PLA2R1: variants seen among roughly 807,000 people sequenced by gnomAD.
PLA2R1 encodes phospholipase A2 receptor 1.
Under a neutral mutation model 195.9 loss-of-function variants are expected in PLA2R1, and 158 were observed. That is an observed-to-expected ratio of 0.81 (90% CI 0.71 to 0.92). The LOEUF (loss-of-function observed/expected upper bound fraction) is 0.92. PLA2R1 is among the 40% of genes least tolerant of loss of function. The pLI is 0.00. For synonymous variants in PLA2R1, 586 were observed against 598.2 expected, an observed-to-expected ratio of 0.98 and a Z score of 0.30; for missense variants, 1,626 against 1,764.6, an observed-to-expected ratio of 0.92 and a Z score of 1.41.
rs758220064 is a variant in PLA2R1, at chr2:160,022,827, A to G, written c.1132T>C (p.Cys378Arg). ...TTGTAGGGATTCCAGCCAGGCTCACAGTGGGTAGCATAATATTTCCACGCA... is the reference window on the plus strand; with the variant it reads ...TTGTAGGGATTCCAGCCAGGCTCACGGTGGGTAGCATAATATTTCCACGCA... The part of the protein sequence containing the change: ...KDAWKYYATH[C>R]EPGWNPYNRN... Residue 378 changes from cysteine (C) to arginine (R), a missense_variant, in exon 7 of 30, where the codon TGT becomes CGT. By Grantham distance (180) the Cys-to-Arg change is radical. Coordinates refer to ENST00000283243, the MANE Select transcript of PLA2R1 (RefSeq NM_007366.5). 13 of 1,611,426 alleles carry G rather than the reference A, an allele frequency of 8.1e-6. No individual in the cohort carries two copies. The highest frequency in any genetic ancestry group is 1.1e-5 in the Non-Finnish European group (13 of 1,178,984).
intron 2 of PLA2R1, among the ~76,000 whole-genome samples, chr2:160,043,130 G>A (rs1694651524): frequency 1.3e-5 from 2 of 152,128 alleles, no homozygotes; most frequent in African/African-American, 4.8e-5. Context: ...AGTGCACATA[G>A]AGCTGTCTCC....
intron 1 of PLA2R1, among the ~76,000 whole-genome samples, chr2:160,049,169 C>CT (rs36104901): frequency 7.0e-4 from 104 of 149,606 alleles, no homozygotes; most frequent in Middle Eastern, 3.4e-3. Context: ...AATTTCTATC[C>CT]TTTTTTTTTT....
chr2:159,929,870 G>GTATATATA (rs141890108), downstream of PLA2R1, among the ~76,000 whole-genome samples: 3 of 143,120 alleles, frequency 2.1e-5, no homozygotes, highest in African/African-American at 7.7e-5. Context: ...GTGTGTGTGT[G>GTATATATA]TGTATATATA....
rs1346353457 is a variant in PLA2R1 at position 159,987,366 on chromosome 2, C to T, written c.1835-8G>A. On this transcript the variant is annotated splice_polypyrimidine_tract_variant and splice_region_variant and intron_variant, in intron 11 of 29. Transcript: ENST00000283243. The stretch of plus-strand genomic sequence containing the variant: ...CACAGCCACCACTGTAGCCTAAAAG[C>T]AGAAAACAAGCATTTTTAATACCAG... 6.2e-7 allele frequency: 1 copy of T among 1,603,096 alleles called. No individual in the cohort carries two copies. The highest frequency in any genetic ancestry group is 1.3e-5 in the African/African-American group (1 of 74,726).
chr2:159,984,213 T>G, intron 12 of PLA2R1, 140 bp from the exon 13 acceptor site: 1 of 479,944 alleles, frequency 2.1e-6, no homozygotes, highest in East Asian at 3.0e-5. Context: ...GGAAGTAATA[T>G]TTACTGAATT....
At position 159,940,803 on chromosome 2, in the gene PLA2R1, T is replaced by A. The variant is rs189539619; in HGVS notation, c.*975A>T. The stretch of plus-strand genomic sequence containing the variant: ...TAAACTCATTTACATAATAAAGATA[T>A]CTAGATTACTAATTTATTTAGTACT... On this transcript the variant is annotated 3_prime_UTR_variant, in exon 30 of 30. Coordinates refer to ENST00000283243, the MANE Select transcript of PLA2R1 (RefSeq NM_007366.5). 2.0e-5 allele frequency: 3 copies of A among 152,308 alleles called. No individual in the cohort carries two copies. Among genetic ancestry groups the A allele is most frequent in the Non-Finnish European group, 1.5e-5 (1 of 68,022 alleles). The allele number at this position is 152,308 out of a possible 1,614,324, so 9.4% of individuals were successfully genotyped here. A position where few individuals can be genotyped will look rare whatever the true frequency, so the allele number is the denominator to read the frequency against.
Position 159,969,310 on chromosome 2 carries a change from C to G in PLA2R1, c.2710G>C (p.Glu904Gln). The G allele has an allele frequency of 1.2e-6, 2 of 1,609,986 alleles. No homozygotes were observed. The highest frequency in any genetic ancestry group is 1.7e-6 in the Non-Finnish European group (2 of 1,176,476). ...TGGCTCTGATTATTCACAGTTCTTT[C>G]TCTTCCTGTGTCCCAGTTCTGGTAT... is the stretch of plus-strand genomic sequence containing the variant. ...VIYQNWDTGR[E>Q]RTVNNQSQRC... Residue 904 changes from glutamate to glutamine, a missense_variant, in exon 19 of 30, where the codon GAA becomes CAA. Coordinates refer to ENST00000283243, the MANE Select transcript of PLA2R1 (RefSeq NM_007366.5).
intron 8 of PLA2R1, 35 bp from the exon 9 acceptor site, chr2:160,016,747 C>T: frequency 9.9e-7 from 1 of 1,009,792 alleles, no homozygotes; most frequent in Non-Finnish European, 1.6e-6. Context: ...AATGAATACA[C>T]TCTGTGCTGA....
chr2:159,969,408 A>C (rs1688997610), intron 18 of PLA2R1, 49 bp from the exon 19 acceptor site: 1 of 942,866 alleles, frequency 1.1e-6, no homozygotes, highest in Admixed American at 1.8e-5. Context: ...CTGCATGTCC[A>C]GTCTCCAACA....
chr2:160,061,777 AAAAC>A (rs879944512), intron 1 of PLA2R1, among the ~76,000 whole-genome samples: 5 of 152,152 alleles, frequency 3.3e-5, no homozygotes, highest in Non-Finnish European at 4.4e-5. Context: ...CCTGTCTCAA[AAAAC>A]AAACAAACAA....
Position 159,934,974 on chromosome 2 carries a change from C to T in PLA2R1, c.*6804G>A, listed in dbSNP as rs761514915. ...AGTGTCCTCCAATCCTTGACATTTC[C>T]TCAATCTTTCCTTATCTTTCATGAC... On this transcript the variant is annotated 3_prime_UTR_variant, in exon 30 of 30. Coordinates refer to ENST00000283243, the MANE Select transcript of PLA2R1 (RefSeq NM_007366.5). 1.3e-5 allele frequency: 2 copies of T among 152,176 alleles called. No homozygotes were observed. The highest frequency in any genetic ancestry group is 2.9e-5 in the Non-Finnish European group (2 of 68,034). 9.4% of individuals were successfully genotyped at this position (152,176 alleles called of 1,614,324 possible).
At chr2:160,013,751 G>GTGTGTGTGTGTGTGTGTGTGTC (rs1486424551) in intron 9 of PLA2R1, among the ~76,000 whole-genome samples, 1 of 129,876 alleles carries the variant, frequency 7.7e-6, no homozygotes, top group Non-Finnish European at 1.6e-5. Flanking sequence ...GTGTGTGTGT[G>GTGTGTGTGTGTGTGTGTGTGTC]TCTCTCTCTC....
At chr2:160,060,731 G>T (rs1695894926) in intron 1 of PLA2R1, among the ~76,000 whole-genome samples, 1 of 152,200 alleles carries the variant, frequency 6.6e-6, no homozygotes, top group South Asian at 2.1e-4. Context: ...GAAGGGATTA[G>T]CCCTTCACTC....
intron 8 of PLA2R1, among the ~76,000 whole-genome samples, chr2:160,017,895 G>A (rs1692870488): frequency 1.3e-5 from 2 of 152,076 alleles, no homozygotes; most frequent in Admixed American, 1.3e-4. Flanking sequence ...GCTCCCCCAT[G>A]GAGTCTTCCA....
In PLA2R1 at chr2:160,013,290, G is replaced by T. The variant is rs1256915586; in HGVS notation, c.1637C>A (p.Pro546His). Reference protein sequence around the residue: ...FDQASSGYYCPPALVTITNRF... With the variant: ...FDQASSGYYCHPALVTITNRF... ...GTTTGTAATGGTTACAAGTGCAGGA[G>T]GACAGTAATAACCGCTGGAAGCTTG... The change falls in exon 10 of 30, where the codon CCT (proline) becomes CAT (histidine). Residue 546 changes from proline (P) to histidine (H), a missense_variant. Pro to His is a moderately conservative substitution (Grantham distance 77, BLOSUM62 -2). Coordinates refer to ENST00000283243, the MANE Select transcript of PLA2R1 (RefSeq NM_007366.5). 1 of 1,604,080 alleles carries T rather than the reference G, an allele frequency of 6.2e-7. No homozygotes were observed. The highest frequency in any genetic ancestry group is 1.1e-5 in the South Asian group (1 of 90,768).
At position 159,939,637 on chromosome 2, in the gene PLA2R1, T is replaced by A. The variant is rs1466639936; in HGVS notation, c.*2141A>T. ...GTGTGATCTGTCCATGGGTCCAGAT[T>A]ATCTGGAGATGTTGTTCAATACTAA... On this transcript the variant is annotated 3_prime_UTR_variant, in exon 30 of 30. Transcript: ENST00000283243. 6.6e-6 allele frequency: 1 copy of A among 152,206 alleles called. No homozygotes were observed. The highest frequency in any genetic ancestry group is 2.4e-5 in the African/African-American group (1 of 41,454). 9.4% of individuals were successfully genotyped at this position (152,206 alleles called of 1,614,324 possible).
chr2:160,016,496 G>C lies in PLA2R1; in HGVS notation c.1551+118C>G, dbSNP rs189059429. On this transcript the variant is annotated intron_variant, in intron 9 of 29. Transcript: ENST00000283243. ...AGGGGGGGGTGCGAGGAGAGAGAGA[G>C]AGATGAAAGAGAGGAGAGAGAGAGA... is the stretch of plus-strand genomic sequence containing the variant. 4.9e-3 allele frequency: 3,125 copies of C among 640,292 alleles called. 35 individuals carry two copies. Among genetic ancestry groups the C allele is most frequent in the Middle Eastern group, 0.042 (164 of 3,904 alleles). 39.7% of individuals were successfully genotyped at this position (640,292 alleles called of 1,614,324 possible). A position where few individuals can be genotyped will look rare whatever the true frequency, so the allele number is the denominator to read the frequency against.
At chr2:160,056,579 TTTG>T (rs1202670999) in intron 1 of PLA2R1, among the ~76,000 whole-genome samples, 2 of 152,216 alleles carry the variant, frequency 1.3e-5, no homozygotes, top group South Asian at 2.1e-4. Flanking sequence ...ACTGTTTTCT[TTTG>T]TTGTTGTTTT....
rs906721671 is a variant in PLA2R1, at chr2:159,939,803, C to T, written c.*1975G>A. On this transcript the variant is annotated 3_prime_UTR_variant, in exon 30 of 30. Transcript: ENST00000283243. ...GTTGATTAGCAGTTTTTACCAAGTC[C>T]ATTGAAAAGAACAGAACTTTAATTC... 6 of 152,124 alleles carry T rather than the reference C, an allele frequency of 3.9e-5. No homozygotes were observed. Among genetic ancestry groups the T allele is most frequent in the Admixed American group, 6.5e-5 (1 of 15,274 alleles). The allele number at this position is 152,124 out of a possible 1,614,324, so 9.4% of individuals were successfully genotyped here. A position where few individuals can be genotyped will look rare whatever the true frequency, so the allele number is the denominator to read the frequency against.
Sources: allele counts gnomAD v4.1 joint callset (sites outside exome capture counted in the v4.1 genomes callset), GRCh38; gene constraint gnomAD v4.1.1; transcripts MANE v1.5; gene names NCBI Gene and HGNC (gene_info 2026-07-23, HGNC 2026-07-21).